COL19A1: variants seen among roughly 807,000 people sequenced by gnomAD.
COL19A1 encodes the protein collagen type XIX alpha 1 chain.
COL19A1 carries 159 observed loss-of-function variants against 190.2 expected under a neutral mutation model. The ratio of observed to expected loss-of-function variants is 0.84; its 90% CI spans 0.73 to 0.95. The LOEUF (loss-of-function observed/expected upper bound fraction) is 0.95. Ranked by LOEUF, COL19A1 falls within the 40% of genes least tolerant of loss-of-function variation. The probability of loss-of-function intolerance (pLI) is 0.00; values close to 1 mark genes in which losing one functional copy is unlikely to be tolerated. For missense variants in COL19A1, 1,418 were observed against 1,431.9 expected, an observed-to-expected ratio of 0.99 and a Z score of 0.16; for synonymous variants, 509 against 458.9, an observed-to-expected ratio of 1.11 and a Z score of -1.39.
intron 9 of COL19A1, among the ~76,000 whole-genome samples, chr6:69,953,018 C>T (rs766665080): frequency 1.3e-5 from 2 of 151,898 alleles, no homozygotes; most frequent in Admixed American, 6.6e-5. Flanking sequence ...TATTTCTAGC[C>T]TCACCTAATT....
At chr6:69,883,993 A>T (rs957024582) in intron 2 of COL19A1, among the ~76,000 whole-genome samples, 1 of 152,208 alleles carries the variant, frequency 6.6e-6, no homozygotes, top group African/African-American at 2.4e-5. Context: ...CAACATACCT[A>T]TGATTAATAC....
intron 15 of COL19A1, among the ~76,000 whole-genome samples, chr6:70,079,851 T>G (rs774390653): frequency 6.6e-6 from 1 of 152,188 alleles, no homozygotes; most frequent in Non-Finnish European, 1.5e-5. Flanking sequence ...AATCTTTGTT[T>G]CTTTTTTTCT....
chr6:69,880,750 G>A (rs531084043), intron 2 of COL19A1, among the ~76,000 whole-genome samples: 1 of 152,102 alleles, frequency 6.6e-6, no homozygotes, highest in Non-Finnish European at 1.5e-5. Context: ...ATTTGGGGGG[G>A]AAACTCTTTC....
At position 70,126,152 on chromosome 6, in the gene COL19A1, C is replaced by CAA. The variant is rs5877240; in HGVS notation, c.1342-4018_1342-4017dup. Among the ~76,000 whole-genome samples, 195 of 140,916 alleles carry CAA rather than the reference C, an allele frequency of 1.4e-3. 1 individual carries two copies. The highest frequency in any genetic ancestry group is 2.7e-3 in the African/African-American group (104 of 38,642). The allele number at this position is 140,916 out of a possible 152,430, so 92.4% of individuals were successfully genotyped here. A position where few individuals can be genotyped will look rare whatever the true frequency, so the allele number is the denominator to read the frequency against. ...TATTCATTTCTCCAAATTATTGATCCAAAAAAAAAAAAACCAATTTGCTAG... is the reference window on the plus strand; with the variant it reads ...TATTCATTTCTCCAAATTATTGATCCAAAAAAAAAAAAAAACCAATTTGCTAG... On this transcript the variant is annotated intron_variant, in intron 17 of 50. Transcript: ENST00000620364.
At chr6:70,196,594 T>C (rs949735995) in intron 48 of COL19A1, among the ~76,000 whole-genome samples, 1 of 152,220 alleles carries the variant, frequency 6.6e-6, no homozygotes, top group Non-Finnish European at 1.5e-5. Context: ...ACGTAGTTTA[T>C]CATCATATTA....
chr6:69,892,954 C>G (rs1291579570), intron 2 of COL19A1, among the ~76,000 whole-genome samples: 1 of 152,220 alleles, frequency 6.6e-6, no homozygotes, highest in Non-Finnish European at 1.5e-5. Context: ...TGAGGATACT[C>G]ACTGAGAGTT....
intron 15 of COL19A1, among the ~76,000 whole-genome samples, chr6:70,087,420 G>A (rs1171893259): frequency 1.3e-5 from 2 of 152,144 alleles, no homozygotes; most frequent in Non-Finnish European, 2.9e-5. Context: ...CTAGGTAGGG[G>A]AAGCAGCAGG....
chr6:70,068,800 A>G (rs996691534), intron 15 of COL19A1, among the ~76,000 whole-genome samples: 1 of 152,086 alleles, frequency 6.6e-6, no homozygotes, highest in Non-Finnish European at 1.5e-5. Context: ...TAGCCTATTT[A>G]TTAATTCCAT....
chr6:69,885,345 A>G (rs1768847713), intron 2 of COL19A1, among the ~76,000 whole-genome samples: 1 of 152,182 alleles, frequency 6.6e-6, no homozygotes, highest in Non-Finnish European at 1.5e-5. Context: ...TTTTAAAAAA[A>G]TTATAAATAT....
intron 27 of COL19A1, 49 bp from the exon 28 acceptor site, chr6:70,149,655 A>G (rs369950800): frequency 1.9e-6 from 3 of 1,603,278 alleles, no homozygotes; most frequent in South Asian, 2.2e-5. Flanking sequence ...TGGATAATTT[A>G]TGGACATTCT....
intron 23 of COL19A1, 94 bp from the exon 24 acceptor site, chr6:70,144,116 A>T (rs1189235245): frequency 8.7e-7 from 1 of 1,147,404 alleles, no homozygotes; most frequent in Non-Finnish European, 1.3e-6. Context: ...ATATGTTAAA[A>T]TTCTGTTCTC....
chr6:70,203,268 C>A (rs1767657492), intron 49 of COL19A1, among the ~76,000 whole-genome samples: 2 of 152,266 alleles, frequency 1.3e-5, no homozygotes, highest in Admixed American at 6.5e-5. Context: ...CATGTGGGGT[C>A]AGTAGGAAAA....
At chr6:69,964,267 AT>A (rs1774968732) in intron 11 of COL19A1, among the ~76,000 whole-genome samples, 2 of 152,216 alleles carry the variant, frequency 1.3e-5, no homozygotes, top group Non-Finnish European at 2.9e-5. Context: ...GAATGGCCTT[AT>A]AATAACCATA....
Position 70,211,377 on chromosome 6 carries a change from C to CTT in COL19A1, c.*4104_*4105dup, listed in dbSNP as rs765339041. Among the ~76,000 whole-genome samples the CTT allele has an allele frequency of 6.6e-6, 1 of 151,820 alleles. No homozygotes were observed. Among genetic ancestry groups the CTT allele is most frequent in the East Asian group, 1.9e-4 (1 of 5,192 alleles). On this transcript the variant is annotated 3_prime_UTR_variant, in exon 51 of 51. Transcript: ENST00000620364. ...TCTTGTTCTTAAATTATTTTTCATA[C>CTT]TTGTCTGTATCCACCTTCTGAAGAC...
At chr6:70,030,493 G>A (rs1562100913) in intron 12 of COL19A1, among the ~76,000 whole-genome samples, 2 of 152,042 alleles carry the variant, frequency 1.3e-5, no homozygotes, top group African/African-American at 2.4e-5. Context: ...TTTTCTAAAT[G>A]CTGTACCTAA....
chr6:70,147,345 A>C (rs745845992), intron 27 of COL19A1, among the ~76,000 whole-genome samples: 2 of 152,174 alleles, frequency 1.3e-5, no homozygotes, highest in African/African-American at 2.4e-5. Flanking sequence ...TGATGTTTTC[A>C]ATGGTAAAAA....
At chr6:70,206,146 C>T (rs548360250) in intron 49 of COL19A1, among the ~76,000 whole-genome samples, 9 of 152,052 alleles carry the variant, frequency 5.9e-5, no homozygotes, top group Non-Finnish European at 1.0e-4. Flanking sequence ...GAATAAGATC[C>T]GTATTCCTAT....
intron 14 of COL19A1, among the ~76,000 whole-genome samples, chr6:70,047,611 G>A (rs994029593): frequency 5.3e-5 from 8 of 151,988 alleles, no homozygotes; most frequent in African/African-American, 1.9e-4. Context: ...AAATTCTTTG[G>A]TTATATGTCA....
intron 35 of COL19A1, among the ~76,000 whole-genome samples, chr6:70,162,724 G>T (rs1787884451): frequency 6.6e-6 from 1 of 152,118 alleles, no homozygotes; most frequent in Non-Finnish European, 1.5e-5. Context: ...CAGTAGGAAT[G>T]TAATTATATA....
Sources: gnomAD v4.1 joint callset for allele counts (sites outside exome capture counted in the v4.1 genomes callset) on GRCh38, gnomAD v4.1.1 for gene constraint, MANE v1.5 for transcripts, NCBI Gene and HGNC (gene_info 2026-07-23, HGNC 2026-07-21) for gene names.